Variants in PLEC observed in about 807,000 individuals in gnomAD.
The protein encoded by PLEC is hemidesmosomal protein 1.
In PLEC, 216 loss-of-function variants were observed where a neutral mutation model predicts 392.8. The ratio of observed to expected loss-of-function variants is 0.55; its 90% CI spans 0.49 to 0.62. The LOEUF is 0.62. PLEC is among the 20% of genes least tolerant of loss of function. PLEC has a pLI of 0.00. For missense variants in PLEC, 6,863 were observed against 6,563.4 expected, an observed-to-expected ratio of 1.05 and a Z score of -1.58; for synonymous variants, 3,621 against 2,980.6, an observed-to-expected ratio of 1.21 and a Z score of -7.00.
upstream of PLEC, among the ~76,000 whole-genome samples, chr8:143,957,331 C>G (rs2132829129): frequency 6.6e-6 from 1 of 152,290 alleles, no homozygotes; most frequent in South Asian, 2.1e-4. Flanking sequence ...GTCTGTGTGT[C>G]CAGGCCAGTG....
Position 143,920,264 on chromosome 8 carries a change from G to A in PLEC, c.9557C>T (p.Thr3186Ile), listed in dbSNP as rs1554681177. 1 of 1,597,312 alleles carries A rather than the reference G, an allele frequency of 6.3e-7. No individual in the cohort carries two copies. The highest frequency in any genetic ancestry group is 1.1e-5 in the South Asian group (1 of 90,320). ...ADAKAYSDPS[T>I]GEPATYGELQ... ...CTCGCCGTAGGTGGCCGGCTCCCCTGTGCTGGGGTCACTGTAGGCCTTGGC... is the reference window on the plus strand; with the variant it reads ...CTCGCCGTAGGTGGCCGGCTCCCCTATGCTGGGGTCACTGTAGGCCTTGGC... The change falls in exon 32 of 32, where the codon ACA (threonine) becomes ATA (isoleucine). Residue 3186 changes from threonine (T) to isoleucine (I), a missense_variant. Coordinates refer to ENST00000345136, the MANE Select transcript of PLEC (RefSeq NM_201384.3).
Position 143,916,814 on chromosome 8 carries a change from A to G in PLEC, c.13007T>C (p.Val4336Ala). ...GATCTTGTCCACCAGGCCCTTGTTG[A>G]CGGCGTCGGTGACAGGGAAGCGCTC... is the stretch of plus-strand genomic sequence containing the variant. ...TGERFPVTDA[V>A]NKGLVDKIMV... The change falls in exon 32 of 32, where the codon GTC (valine) becomes GCC (alanine). Residue 4336 changes from valine to alanine, a missense_variant. Transcript: ENST00000345136. 1 of 1,612,646 alleles carries G rather than the reference A, an allele frequency of 6.2e-7. No homozygotes were observed. The highest frequency in any genetic ancestry group is 8.5e-7 in the Non-Finnish European group (1 of 1,179,860).
chr8:143,965,940 T>C (rs6993022), intron 1 of PLEC, among the ~76,000 whole-genome samples: 45,716 of 152,130 alleles, frequency 0.3, 8,070 homozygotes, highest in Non-Finnish European at 0.39. Context: ...GGCTGTGACC[T>C]GCTGCGGCCT....
At chr8:143,943,905 G>A (rs781998030), upstream of PLEC, 1 of 1,609,566 alleles carries the variant, frequency 6.2e-7, no homozygotes, top group East Asian at 2.2e-5. Context: ...GCCACGCGGA[G>A]CCGCCAGGGC....
chr8:143,920,397 C>T lies in PLEC; in HGVS notation c.9424G>A (p.Gly3142Ser), dbSNP rs373523333. The change falls in exon 32 of 32, where the codon GGC becomes AGC. Residue 3142 changes from glycine (G) to serine (S), a missense_variant. Gly to Ser is a moderately conservative substitution (Grantham distance 56). Coordinates refer to ENST00000345136, the MANE Select transcript of PLEC (RefSeq NM_201384.3). ...RLLDAQLSTG[G>S]IVDPSKSHRV... ...TGGCTCTTGCTGGGGTCCACGATGCCGCCCGTGGACAGCTGGGCGTCCAAC... is the reference window on the plus strand; with the variant it reads ...TGGCTCTTGCTGGGGTCCACGATGCTGCCCGTGGACAGCTGGGCGTCCAAC... 124 of 1,590,696 alleles carry T rather than the reference C, an allele frequency of 7.8e-5. No individual in the cohort carries two copies. Among genetic ancestry groups the T allele is most frequent in the Non-Finnish European group, 9.6e-5 (113 of 1,171,790 alleles).
exon 1 of PLEC, chr8:143,950,549 G>T: frequency 6.2e-7 from 1 of 1,608,022 alleles, no homozygotes; most frequent in Non-Finnish European, 8.5e-7. Flanking sequence ...CCGCAGGGAC[G>T]CCATGGCACG....
At chr8:143,937,141 C>T in intron 4 of PLEC, 24 bp downstream of exon 4, 1 of 1,610,712 alleles carries the variant, frequency 6.2e-7, no homozygotes, top group Non-Finnish European at 8.5e-7. Flanking sequence ...TGGGTGGGGC[C>T]CAGGGCCTGC....
Position 143,923,482 on chromosome 8 carries a change from C to G in PLEC, c.6447G>C (p.Arg2149=), listed in dbSNP as rs1043685270. ...GCAGGGCCGCCTGCTCCGCCTGTGCCCGCCGCGCCGCCTCTTGCTCGGCCT... is the reference window on the plus strand; with the variant it reads ...GCAGGGCCGCCTGCTCCGCCTGTGCGCGCCGCGCCGCCTCTTGCTCGGCCT... The part of the protein sequence containing the change: ...RKEAEQEAAR[R]AQAEQAALRQ... Residue 2149 remains arginine (R), a synonymous_variant, in exon 31 of 32, where the codon CGG becomes CGC. Transcript: ENST00000345136. 13 of 1,601,498 alleles carry G rather than the reference C, an allele frequency of 8.1e-6. No individual in the cohort carries two copies. Among genetic ancestry groups the G allele is most frequent in the Admixed American group, 3.3e-5 (2 of 59,854 alleles).
At position 143,918,909 on chromosome 8, in the gene PLEC, C is replaced by A. The variant is rs1554676612; in HGVS notation, c.10912G>T (p.Ala3638Ser). Residue 3638 changes from alanine (A) to serine (S), a missense_variant, in exon 32 of 32, where the codon GCC (alanine) becomes TCC (serine). Coordinates refer to ENST00000345136, the MANE Select transcript of PLEC (RefSeq NM_201384.3). ...KTEIIRQQGL[A>S]SYDYVRRRLT... ...CGGCGGCGCACGTAGTCGTAGGAGGCCAGACCCTGCTGGCGGATGATCTCT... is the reference window on the plus strand; with the variant it reads ...CGGCGGCGCACGTAGTCGTAGGAGGACAGACCCTGCTGGCGGATGATCTCT... 2 of 1,611,334 alleles carry A rather than the reference C, an allele frequency of 1.2e-6. No individual in the cohort carries two copies. Among genetic ancestry groups the A allele is most frequent in the African/African-American group, 1.3e-5 (1 of 75,050 alleles).
At chr8:143,931,883 G>C in intron 18 of PLEC, 54 bp downstream of exon 18, 1 of 1,510,624 alleles carries the variant, frequency 6.6e-7, no homozygotes, top group Admixed American at 1.9e-5. Flanking sequence ...GGGGTCCAGG[G>C]GCTCCTGCAA....
rs781995989 is a variant in PLEC at position 143,922,672 on chromosome 8, G to A, written c.7257C>T (p.Arg2419=). Residue 2419 remains arginine (R), a synonymous_variant, in exon 31 of 32, where the codon CGC becomes CGT. Transcript: ENST00000345136. The part of the protein sequence containing the change: ...QAEEIGEKLH[R]TELATQEKVT... The stretch of plus-strand genomic sequence containing the variant: ...CCTTCTCCTGGGTGGCGAGCTCCGT[G>A]CGGTGCAGCTTCTCACCGATCTCCT... 1.9e-6 allele frequency: 3 copies of A among 1,613,252 alleles called. No homozygotes were observed. In the Admixed American group the frequency reaches 5.0e-5, roughly 27 times the overall value.
At chr8:143,939,005 G>C (rs1829837824) in intron 1 of PLEC, among the ~76,000 whole-genome samples, 4 of 152,066 alleles carry the variant, frequency 2.6e-5, no homozygotes, top group Admixed American at 2.6e-4. Context: ...GTCCCCCCCG[G>C]CCTCTACAGA....
chr8:143,971,645 C>T (rs2132972472), intron 1 of PLEC, among the ~76,000 whole-genome samples: 1 of 152,324 alleles, frequency 6.6e-6, no homozygotes, highest in African/African-American at 2.4e-5. Context: ...TTGTCTCAAG[C>T]CAGGAGCTAA....
chr8:143,938,586 C>G, intron 2 of PLEC, 45 bp downstream of exon 2: 1 of 1,600,840 alleles, frequency 6.2e-7, no homozygotes, highest in Non-Finnish European at 8.6e-7. Flanking sequence ...TCAGCGCCTC[C>G]CACAGCCTCA....
chr8:143,934,762 C>T (rs782592686), intron 9 of PLEC, 32 bp from the exon 10 acceptor site: 18 of 1,612,104 alleles, frequency 1.1e-5, no homozygotes, highest in Admixed American at 3.3e-5. Context: ...GCAACCACGC[C>T]GGGCTCTCAG....
intron 1 of PLEC, among the ~76,000 whole-genome samples, chr8:143,944,914 C>G (rs1178283948): frequency 6.6e-6 from 1 of 152,156 alleles, no homozygotes; most frequent in African/African-American, 2.4e-5. Context: ...GGCGCCAGGG[C>G]ACCCAGGCCC....
Position 143,918,119 on chromosome 8 carries a change from T to C in PLEC, c.11702A>G (p.Gln3901Arg). ...CAGCGCCGTGGCCTCGTCCATGACC[T>C]GCGAGCGCACCAGCTCCTCCATGGT... ...QITMEELVRS[Q>R]VMDEATALQL... is the part of the protein sequence containing the mutation. Residue 3901 changes from glutamine to arginine, a missense_variant, in exon 32 of 32, where the codon CAG (glutamine) becomes CGG (arginine). Coordinates refer to ENST00000345136, the MANE Select transcript of PLEC (RefSeq NM_201384.3). 6.3e-7 allele frequency: 1 copy of C among 1,598,500 alleles called. No homozygotes were observed. Among genetic ancestry groups the C allele is most frequent in the African/African-American group, 1.3e-5 (1 of 74,970 alleles).
chr8:143,950,645 C>T (rs782449489), exon 1 of PLEC: 19 of 1,590,768 alleles, frequency 1.2e-5, no homozygotes, highest in Admixed American at 7.1e-5. Flanking sequence ...CACGCCCTCG[C>T]GGAAGAGCAC....
In PLEC at chr8:143,927,068, T is replaced by A; in HGVS notation, c.3854A>T (p.Gln1285Leu). 1 of 1,611,194 alleles carries A rather than the reference T, an allele frequency of 6.2e-7. No homozygotes were observed. Among genetic ancestry groups the A allele is most frequent in the East Asian group, 2.2e-5 (1 of 44,874 alleles). ...AAGCTGCGCCTTGTACGTCACCAGCTGGAGTTCATAGTCCTGTGGCAATGC... is the reference window on the plus strand; with the variant it reads ...AAGCTGCGCCTTGTACGTCACCAGCAGGAGTTCATAGTCCTGTGGCAATGC... ...YINAIKDYEL[Q>L]LVTYKAQLEP... The change falls in exon 29 of 32, where the codon CAG becomes CTG. Residue 1285 changes from glutamine (Q) to leucine (L), a missense_variant. Gln to Leu is a moderately radical substitution (Grantham distance 113). Coordinates refer to ENST00000345136, the MANE Select transcript of PLEC (RefSeq NM_201384.3).
Sources: allele counts gnomAD v4.1 joint callset (sites outside exome capture counted in the v4.1 genomes callset), GRCh38; gene constraint gnomAD v4.1.1; transcripts MANE v1.5; gene names NCBI Gene and HGNC (gene_info 2026-07-23, HGNC 2026-07-21).